DPYD: variants seen among roughly 807,000 people sequenced by gnomAD.
The protein encoded by DPYD is dihydropyrimidine dehydrogenase, also known as dihydropyrimidine dehydrogenase [NADP(+)].
In DPYD, 109 loss-of-function variants were observed where a neutral mutation model predicts 116.2. The observed-to-expected ratio is 0.94, with a 90% CI of 0.80 to 1.10. The LOEUF is 1.10. Ranked by LOEUF, DPYD falls within the 50% of genes least tolerant of loss-of-function variation. DPYD has a pLI of 0.00. For synonymous variants in DPYD, 440 were observed against 432.0 expected (o/e 1.02, Z -0.23); for missense variants, 1,302 against 1,254.5 (o/e 1.04, Z -0.57).
Position 97,235,910 on chromosome 1 carries a change from GTAAT to G in DPYD, c.2300-920_2300-917del, listed in dbSNP as rs769527738. Among the ~76,000 whole-genome samples the G allele has an allele frequency of 1.2e-3, 185 of 152,240 alleles. 1 individual carries two copies. The highest frequency in any genetic ancestry group is 4.1e-3 in the African/African-American group (172 of 41,554). ...GTTAAAGAGAATTTACTAGAATCCAGTAATTAGAGTGTATGAATTTAATTTTTTA... is the reference window on the plus strand; with the variant it reads ...GTTAAAGAGAATTTACTAGAATCCAGTAGAGTGTATGAATTTAATTTTTTA... On this transcript the variant is annotated intron_variant, in intron 18 of 22. Coordinates refer to ENST00000370192, the MANE Select transcript of DPYD (RefSeq NM_000110.4).
chr1:97,526,270 T>C (rs573510298), intron 12 of DPYD, among the ~76,000 whole-genome samples: 235 of 152,204 alleles, frequency 1.5e-3, no homozygotes, highest in Non-Finnish European at 1.0e-3. Context: ...AGTAAGAAGA[T>C]TTTTCGTGCT....
chr1:97,862,622 T>C (rs1300273477), intron 2 of DPYD, among the ~76,000 whole-genome samples: 1 of 151,932 alleles, frequency 6.6e-6, no homozygotes, highest in Admixed American at 6.6e-5. Context: ...CTGTGCACAC[T>C]GTGTGATATG....
intron 8 of DPYD, among the ~76,000 whole-genome samples, chr1:97,659,060 C>T (rs1451204023): frequency 6.6e-6 from 1 of 152,168 alleles, no homozygotes; most frequent in Non-Finnish European, 1.5e-5. Context: ...CAATACACAT[C>T]CTCACACTTA....
At chr1:97,622,719 A>C (rs913096656) in intron 8 of DPYD, among the ~76,000 whole-genome samples, 4 of 152,088 alleles carry the variant, frequency 2.6e-5, no homozygotes, top group Non-Finnish European at 5.9e-5. Flanking sequence ...TGTAAATCTA[A>C]AACTGTTCTA....
At chr1:97,185,621 A>G (rs1415051512) in intron 20 of DPYD, among the ~76,000 whole-genome samples, 1 of 152,244 alleles carries the variant, frequency 6.6e-6, no homozygotes, top group Non-Finnish European at 1.5e-5. Flanking sequence ...AATAAAATAT[A>G]GTATTATTTA....
Position 97,305,254 on chromosome 1 carries a change from C to T in DPYD, c.2299+5G>A, listed in dbSNP as rs1667087573. 1 of 1,612,078 alleles carries T rather than the reference C, an allele frequency of 6.2e-7. No individual in the cohort carries two copies. The highest frequency in any genetic ancestry group is 1.1e-5 in the South Asian group (1 of 91,048). ...AGCACAATGCAAGAAGTGGGCAACA[C>T]CTACCAGACACTCCTCCATATGTAG... is the stretch of plus-strand genomic sequence containing the variant. On this transcript the variant is annotated splice_donor_5th_base_variant and intron_variant, in intron 18 of 22. Transcript: ENST00000370192.
chr1:97,101,599 G>A (rs1433130047), intron 20 of DPYD, among the ~76,000 whole-genome samples: 1 of 151,604 alleles, frequency 6.6e-6, no homozygotes, highest in East Asian at 1.9e-4. Flanking sequence ...GATTAATAAA[G>A]CATTTAGTTC....
chr1:97,192,961 G>T, intron 20 of DPYD, 108 bp downstream of exon 20: 1 of 1,244,718 alleles, frequency 8.0e-7, no homozygotes. Context: ...TCACATCCAG[G>T]AGGCACTGTG....
At chr1:97,205,226 C>G (rs1211463884) in intron 19 of DPYD, among the ~76,000 whole-genome samples, 1 of 151,932 alleles carries the variant, frequency 6.6e-6, no homozygotes, top group Non-Finnish European at 1.5e-5. Context: ...TGGTTTTTGA[C>G]AAATGTATAA....
intron 10 of DPYD, among the ~76,000 whole-genome samples, chr1:97,581,354 A>AG: frequency 6.9e-6 from 1 of 144,292 alleles, no homozygotes; most frequent in South Asian, 2.1e-4. Context: ...AAAAAAAAAA[A>AG]ATTGGCCAAG....
intron 14 of DPYD, among the ~76,000 whole-genome samples, chr1:97,415,739 C>A (rs1254088917): frequency 6.6e-6 from 1 of 152,188 alleles, no homozygotes; most frequent in Non-Finnish European, 1.5e-5. Context: ...TTGGACATTT[C>A]TGCTGCATCA....
At chr1:97,811,977 A>G (rs1668369392) in intron 3 of DPYD, among the ~76,000 whole-genome samples, 1 of 152,152 alleles carries the variant, frequency 6.6e-6, no homozygotes, top group Non-Finnish European at 1.5e-5. Flanking sequence ...ACAATACAAC[A>G]GTCATCTCTT....
At chr1:97,439,604 T>C (rs1322224412) in intron 14 of DPYD, among the ~76,000 whole-genome samples, 1 of 152,136 alleles carries the variant, frequency 6.6e-6, no homozygotes, top group Admixed American at 6.5e-5. Context: ...TTTCTTCTTT[T>C]TGTTTCCTGA....
intron 12 of DPYD, among the ~76,000 whole-genome samples, chr1:97,533,474 G>A (rs1649785839): frequency 6.6e-6 from 1 of 152,044 alleles, no homozygotes; most frequent in South Asian, 2.1e-4. Context: ...ATACTGACAG[G>A]CCCCGGGGCA....
At chr1:97,151,675 C>CAAAAATAA (rs983134097) in intron 20 of DPYD, among the ~76,000 whole-genome samples, 3 of 146,820 alleles carry the variant, frequency 2.0e-5, no homozygotes, top group African/African-American at 5.0e-5. Context: ...AAGTCTGTCT[C>CAAAAATAA]AAAAATAAAA....
chr1:97,889,495 T>A (rs143997535), intron 1 of DPYD, among the ~76,000 whole-genome samples: 57 of 152,060 alleles, frequency 3.7e-4, no homozygotes, highest in African/African-American at 1.4e-3. Context: ...AACAAACTTT[T>A]AAAGAAACAA....
intron 8 of DPYD, among the ~76,000 whole-genome samples, chr1:97,636,317 A>G (rs1657557885): frequency 6.6e-6 from 1 of 151,784 alleles, no homozygotes; most frequent in Non-Finnish European, 1.5e-5. Flanking sequence ...TCCCACTTTC[A>G]TTTCCATTTC....
chr1:97,190,977 T>G (rs1304060917), intron 20 of DPYD, among the ~76,000 whole-genome samples: 1 of 152,050 alleles, frequency 6.6e-6, no homozygotes, highest in African/African-American at 2.4e-5. Flanking sequence ...CTTCCTATAG[T>G]ATGCGGACAC....
At chr1:97,144,892 C>T (rs1465229637) in intron 20 of DPYD, among the ~76,000 whole-genome samples, 1 of 152,162 alleles carries the variant, frequency 6.6e-6, no homozygotes, top group Non-Finnish European at 1.5e-5. Context: ...TCAGTTCTCT[C>T]ACTAAATCTT....
Sources: allele counts gnomAD v4.1 joint callset (sites outside exome capture counted in the v4.1 genomes callset), GRCh38; gene constraint gnomAD v4.1.1; transcripts MANE v1.5; gene names NCBI Gene and HGNC (gene_info 2026-07-23, HGNC 2026-07-21).